GRIK1: variants seen among roughly 807,000 people sequenced by gnomAD.
GRIK1 encodes glutamate receptor ionotropic, kainate 1.
A neutral mutation model predicts 105.7 loss-of-function variants in GRIK1; 69 were observed. That is an observed-to-expected ratio of 0.65 (90% CI 0.54 to 0.80). The LOEUF (loss-of-function observed/expected upper bound fraction) is 0.80, where lower values mean the gene tolerates loss of function less well. Among genes scored for constraint, GRIK1 ranks in the 30% least tolerant of loss-of-function variants. The pLI is 0.00. For synonymous variants in GRIK1, 438 were observed against 431.3 expected, an observed-to-expected ratio of 1.02 and a Z score of -0.19; for missense variants, 1,109 against 1,167.3, an observed-to-expected ratio of 0.95 and a Z score of 0.73.
chr21:29,761,574 GA>G (rs2065521921), intron 1 of GRIK1, among the ~76,000 whole-genome samples: 1 of 151,920 alleles, frequency 6.6e-6, no homozygotes, highest in Non-Finnish European at 1.5e-5. Flanking sequence ...ATATTTTTTA[GA>G]AAAAGTTCTT....
chr21:29,604,891 T>C (rs1167052592), intron 7 of GRIK1, among the ~76,000 whole-genome samples: 1 of 152,358 alleles, frequency 6.6e-6, no homozygotes, highest in East Asian at 1.9e-4. Context: ...CTTATTTGTA[T>C]ATTCTTTCTC....
intron 1 of GRIK1, among the ~76,000 whole-genome samples, chr21:29,858,273 A>G (rs2068526379): frequency 6.6e-6 from 1 of 152,168 alleles, no homozygotes; most frequent in Non-Finnish European, 1.5e-5. Context: ...GGTGACAATG[A>G]AGAATGACCC....
chr21:29,724,527 T>A (rs1201312123), intron 1 of GRIK1, among the ~76,000 whole-genome samples: 3 of 152,172 alleles, frequency 2.0e-5, no homozygotes, highest in African/African-American at 7.2e-5. Context: ...ATGCAAGAAC[T>A]GGGAGTCTTA....
chr21:29,587,964 C>CTTTTTTTTTTTTTTTTTTTTTTTTTT (rs568648777), intron 11 of GRIK1, among the ~76,000 whole-genome samples: 1 of 65,406 alleles, frequency 1.5e-5, no homozygotes, highest in Non-Finnish European at 2.7e-5. Context: ...CTTTAAAATT[C>CTTTTTTTTTTTTTTTTTTTTTTTTTT]TTTTTTTTTT....
At chr21:29,886,957 C>T (rs1239514525) in intron 1 of GRIK1, among the ~76,000 whole-genome samples, 1 of 152,086 alleles carries the variant, frequency 6.6e-6, no homozygotes, top group African/African-American at 2.4e-5. Flanking sequence ...AGAGAGACAC[C>T]TTATTAGATT....
intron 8 of GRIK1, chr21:29,597,576 T>C: frequency 2.4e-6 from 1 of 411,102 alleles, no homozygotes; most frequent in Non-Finnish European, 5.1e-6. Context: ...CCAGCCAACA[T>C]CCCATGCACC....
chr21:29,779,813 A>T (rs1013380622), intron 1 of GRIK1, among the ~76,000 whole-genome samples: 1 of 152,236 alleles, frequency 6.6e-6, no homozygotes, highest in Non-Finnish European at 1.5e-5. Flanking sequence ...ATTCTCATGG[A>T]ACAACTTTTG....
In GRIK1 at chr21:29,673,011, T is replaced by C. The variant is rs371531316; in HGVS notation, c.698A>G (p.His233Arg). ...KEFYVIFDCS[H>R]ETAAEILKQI... is the part of the protein sequence containing the mutation. ...CTTAAGGATTTCAGCGGCTGTTTCA[T>C]GTGAACAATCAAATATCACATAGAA... is the stretch of plus-strand genomic sequence containing the variant. The change falls in exon 4 of 18, where the codon CAT becomes CGT. Residue 233 changes from histidine (H) to arginine (R), a missense_variant. Transcript: ENST00000327783. The C allele has an allele frequency of 5.0e-6, 8 of 1,613,248 alleles. No individual in the cohort carries two copies. Among genetic ancestry groups the C allele is most frequent in the Non-Finnish European group, 6.8e-6 (8 of 1,179,510 alleles).
At chr21:29,918,009 A>T (rs1344771860) in intron 1 of GRIK1, among the ~76,000 whole-genome samples, 1 of 152,034 alleles carries the variant, frequency 6.6e-6, no homozygotes, top group African/African-American at 2.4e-5. Context: ...ATAGAGAAAG[A>T]TGAACTAATA....
chr21:29,546,029 C>T (rs1437668681), intron 16 of GRIK1, among the ~76,000 whole-genome samples: 1 of 152,164 alleles, frequency 6.6e-6, no homozygotes. Context: ...TCTAGAGGGC[C>T]CAGGATCAGC....
chr21:29,712,622 T>C (rs1371152362), intron 1 of GRIK1, among the ~76,000 whole-genome samples: 1 of 152,222 alleles, frequency 6.6e-6, no homozygotes, highest in Non-Finnish European at 1.5e-5. Flanking sequence ...TGATTATTAA[T>C]GTAGCTGAAC....
chr21:29,791,414 T>A (rs2066411254), intron 1 of GRIK1, among the ~76,000 whole-genome samples: 1 of 152,004 alleles, frequency 6.6e-6, no homozygotes, highest in African/African-American at 2.4e-5. Flanking sequence ...GGTTTAGTAC[T>A]ATGATTGCTG....
rs762951068 is a variant in GRIK1, at chr21:29,589,032, T to A, written c.1376A>T (p.Tyr459Phe). 1.9e-6 allele frequency: 3 copies of A among 1,578,152 alleles called. No individual in the cohort carries two copies. The South Asian group carries it at 3.3e-5, about 18-fold the overall frequency. Reference protein sequence around the residue: ...LIVTTILEEPYVMYRKSDKPL... With the variant: ...LIVTTILEEPFVMYRKSDKPL... The stretch of plus-strand genomic sequence containing the variant: ...CTTATCAGATTTCCTGTACATAACA[T>A]AGGGTTCTTCCTAAATGAAACAAAC... Residue 459 changes from tyrosine (Y) to phenylalanine (F), a missense_variant, in exon 11 of 18, where the codon TAT becomes TTT. Tyr to Phe is a conservative substitution (Grantham distance 22). Around this residue, in one of 5 missense-constraint regions of GRIK1, gnomAD observed 612 missense variants for 586.0 expected, o/e 1.04. Transcript: ENST00000327783.
chr21:29,871,823 A>G (rs1403911611), intron 1 of GRIK1, among the ~76,000 whole-genome samples: 1 of 134,484 alleles, frequency 7.4e-6, no homozygotes, highest in African/African-American at 2.8e-5. Context: ...GGGTGCAGTG[A>G]CACGATCTCA....
intron 7 of GRIK1, among the ~76,000 whole-genome samples, chr21:29,609,748 C>G (rs1254188501): frequency 1.3e-5 from 2 of 152,158 alleles, no homozygotes; most frequent in Non-Finnish European, 2.9e-5. Context: ...TCTTCGGACT[C>G]AGACTGAATT....
chr21:29,614,100 C>G (rs974071428), intron 7 of GRIK1, among the ~76,000 whole-genome samples: 3 of 151,966 alleles, frequency 2.0e-5, no homozygotes, highest in Non-Finnish European at 4.4e-5. Flanking sequence ...GTTTTTTTCC[C>G]CCATCGTTTC....
At chr21:29,797,193 G>T (rs1361966229) in intron 1 of GRIK1, among the ~76,000 whole-genome samples, 2 of 152,136 alleles carry the variant, frequency 1.3e-5, no homozygotes, top group African/African-American at 4.8e-5. Flanking sequence ...GTGGGGAAAG[G>T]CTGCAATCAT....
chr21:29,696,092 CTT>C (rs761897556), intron 1 of GRIK1, among the ~76,000 whole-genome samples: 1 of 152,112 alleles, frequency 6.6e-6, no homozygotes, highest in Non-Finnish European at 1.5e-5. Flanking sequence ...GCTGAAATGA[CTT>C]TATTAAATAA....
intron 1 of GRIK1, among the ~76,000 whole-genome samples, chr21:29,706,819 G>A (rs1441991593): frequency 2.0e-5 from 3 of 152,148 alleles, no homozygotes; most frequent in Non-Finnish European, 4.4e-5. Context: ...CTCAATGCAC[G>A]TATTTTTAAA....
Sources: allele counts gnomAD v4.1 joint callset (sites outside exome capture counted in the v4.1 genomes callset), GRCh38; gene constraint gnomAD v4.1.1; regional missense constraint gnomAD v4.1.1; transcripts MANE v1.5; gene names NCBI Gene and HGNC (gene_info 2026-07-23, HGNC 2026-07-21).